SRFBP1: variants seen among roughly 807,000 people sequenced by gnomAD.
SRFBP1 encodes serum response factor-binding protein 1.
SRFBP1 carries 47 observed loss-of-function variants against 45.5 expected under a neutral mutation model. The ratio of observed to expected loss-of-function variants is 1.03; its 90% CI spans 0.82 to 1.32. The LOEUF is 1.32. Ranked by LOEUF, SRFBP1 falls within the 40% of genes most tolerant of loss-of-function variation. The pLI, the probability that SRFBP1 is intolerant of heterozygous loss-of-function variation, is 0.00. For synonymous variants in SRFBP1, 203 were observed against 166.3 expected, an observed-to-expected ratio of 1.22 and a Z score of -1.70; for missense variants, 621 against 484.6, an observed-to-expected ratio of 1.28 and a Z score of -2.64.
downstream of SRFBP1, among the ~76,000 whole-genome samples, chr5:122,032,041 T>A (rs1366412101): frequency 6.6e-6 from 1 of 152,206 alleles, no homozygotes; most frequent in Non-Finnish European, 1.5e-5. Context: ...TATTCTGGAA[T>A]TGGATAGCGC....
At chr5:122,074,224 G>A (rs1754547466) in intron 2 of SRFBP1, 3 of 1,485,386 alleles carry the variant, frequency 2.0e-6, no homozygotes, top group Non-Finnish European at 9.3e-7. Flanking sequence ...AGAAAGCAAT[G>A]AAGATATTAA....
At chr5:122,039,415 G>A (rs1448851748) in intron 2 of SRFBP1, among the ~76,000 whole-genome samples, 1 of 152,156 alleles carries the variant, frequency 6.6e-6, no homozygotes, top group Non-Finnish European at 1.5e-5. Flanking sequence ...GAAGGACATA[G>A]TATGTTAAAA....
intron 3 of SRFBP1, among the ~76,000 whole-genome samples, chr5:121,983,835 C>G (rs901192770): frequency 6.6e-6 from 1 of 151,684 alleles, no homozygotes; most frequent in African/African-American, 2.4e-5. Flanking sequence ...AGTAAAATTT[C>G]TTAGTAGTAA....
intron 2 of SRFBP1, among the ~76,000 whole-genome samples, chr5:122,057,994 C>T (rs1754111856): frequency 6.6e-6 from 1 of 152,026 alleles, no homozygotes; most frequent in African/African-American, 2.4e-5. Flanking sequence ...TGATTATATT[C>T]TTAAGAGAAG....
At chr5:121,993,972 A>G (rs1476528523) in intron 3 of SRFBP1, among the ~76,000 whole-genome samples, 1 of 151,898 alleles carries the variant, frequency 6.6e-6, no homozygotes, top group African/African-American at 2.4e-5. Flanking sequence ...CTGTTACTGT[A>G]CTTTCTTTGA....
chr5:122,073,540 G>GA lies in SRFBP1; in HGVS notation n.312-1769dup, dbSNP rs373773125. ...AGAAGGAAGGAATGGTTTCACAGGT[G>GA]AAAAAACAGAGATATCTTTTTTTAC... On this transcript the variant is annotated intron_variant and non_coding_transcript_variant, in intron 2 of 2. Coordinates refer to the SRFBP1 transcript ENST00000504881. Among the ~76,000 whole-genome samples, 610 of 152,240 alleles carry GA rather than the reference G, an allele frequency of 4.0e-3. 4 individuals carry two copies. The highest frequency in any genetic ancestry group is 0.014 in the Middle Eastern group (4 of 294).
chr5:122,056,624 G>T (rs954242406), intron 2 of SRFBP1, among the ~76,000 whole-genome samples: 4 of 152,092 alleles, frequency 2.6e-5, no homozygotes, highest in African/African-American at 9.7e-5. Flanking sequence ...CCATGTGTGG[G>T]ATATGTCTTC....
intron 1 of SRFBP1, among the ~76,000 whole-genome samples, chr5:121,962,840 G>A (rs1224397972): frequency 6.6e-6 from 1 of 152,154 alleles, no homozygotes; most frequent in Admixed American, 6.5e-5. Flanking sequence ...GATACAGAAA[G>A]GAAATTCTTT....
intron 2 of SRFBP1, among the ~76,000 whole-genome samples, chr5:122,037,948 C>A (rs1458005121): frequency 1.3e-5 from 2 of 152,178 alleles, no homozygotes; most frequent in African/African-American, 4.8e-5. Flanking sequence ...AGGTTTGGGT[C>A]ATGTGACTTA....
At chr5:122,019,990 T>G (rs1753269435) in intron 5 of SRFBP1, 98 bp from the exon 6 acceptor site, 2 of 791,992 alleles carry the variant, frequency 2.5e-6, no homozygotes, top group African/African-American at 3.6e-5. Context: ...AACTGCCCTC[T>G]TAAATCTTTT....
At chr5:122,057,985 G>A (rs896669291) in intron 2 of SRFBP1, among the ~76,000 whole-genome samples, 10 of 152,052 alleles carry the variant, frequency 6.6e-5, no homozygotes, top group African/African-American at 2.4e-4. Flanking sequence ...TGCTGGCCTT[G>A]ATTATATTCT....
downstream of SRFBP1, among the ~76,000 whole-genome samples, chr5:122,032,586 G>A (rs904229484): frequency 2.0e-5 from 3 of 152,130 alleles, no homozygotes; most frequent in South Asian, 6.2e-4. Flanking sequence ...AATCACTGCA[G>A]ATTTGTTCAT....
At chr5:121,995,925 A>C (rs1488625053) in intron 4 of SRFBP1, among the ~76,000 whole-genome samples, 3 of 152,202 alleles carry the variant, frequency 2.0e-5, no homozygotes, top group Non-Finnish European at 4.4e-5. Flanking sequence ...GAAATGGATA[A>C]ATTCCTCGAC....
At position 122,068,174 on chromosome 5, in the gene SRFBP1, T is replaced by TAAAAA. The variant is rs10650287; in HGVS notation, n.312-7122_312-7118dup. ...GTTTGTTACAGTCAGTAATAACTAG[T>TAAAAA]AAAAAAAAAAAAAAAAAAAAAAATT... On this transcript the variant is annotated intron_variant and non_coding_transcript_variant, in intron 2 of 2. Coordinates refer to the SRFBP1 transcript ENST00000504881. Among the ~76,000 whole-genome samples, 182 of 115,854 alleles carry TAAAAA rather than the reference T, an allele frequency of 1.6e-3. 4 individuals carry two copies. Among genetic ancestry groups the TAAAAA allele is most frequent in the African/African-American group, 6.0e-3 (178 of 29,678 alleles). 76.0% of individuals were successfully genotyped at this position (115,854 alleles called of 152,430 possible). A position where few individuals can be genotyped will look rare whatever the true frequency, so the allele number is the denominator to read the frequency against.
downstream of SRFBP1, chr5:122,078,155 C>A: frequency 1.8e-6 from 1 of 545,180 alleles, no homozygotes; most frequent in Non-Finnish European, 2.9e-6. Flanking sequence ...AGACCCTTCC[C>A]CAGTCAAGGC....
At chr5:122,032,655 A>T (rs1188481989), downstream of SRFBP1, among the ~76,000 whole-genome samples, 1 of 152,224 alleles carries the variant, frequency 6.6e-6, no homozygotes, top group Non-Finnish European at 1.5e-5. Context: ...AATGTATAAG[A>T]ATTTACTAAA....
intron 1 of SRFBP1, among the ~76,000 whole-genome samples, chr5:121,968,912 C>T (rs189558212): frequency 6.6e-6 from 1 of 152,160 alleles, no homozygotes; most frequent in Non-Finnish European, 1.5e-5. Flanking sequence ...ACAATACTAG[C>T]TCCTAGAATA....
At position 121,962,064 on chromosome 5, in the gene SRFBP1, A is replaced by G; in HGVS notation, c.32A>G (p.Asn11Ser). Residue 11 changes from asparagine to serine, a missense_variant, in exon 1 of 8, where the codon AAC becomes AGC. Coordinates refer to ENST00000339397, the MANE Select transcript of SRFBP1 (RefSeq NM_152546.3). The stretch of plus-strand genomic sequence containing the variant: ...CAGCCGGGAACTCTGAACCTCAATA[A>G]CGAGGTGAGCGCCGAGGAACCTATG... MAQPGTLNLN[N>S]EVVKMRKEVK... 1 of 1,613,968 alleles carries G rather than the reference A, an allele frequency of 6.2e-7. No homozygotes were observed. The highest frequency in any genetic ancestry group is 8.5e-7 in the Non-Finnish European group (1 of 1,179,994).
chr5:122,006,164 C>T (rs1752968864), intron 4 of SRFBP1, among the ~76,000 whole-genome samples: 1 of 151,184 alleles, frequency 6.6e-6, no homozygotes, highest in African/African-American at 2.5e-5. Flanking sequence ...TTGCCAAGTA[C>T]AGTATTCTTC....
Sources: allele counts gnomAD v4.1 joint callset (sites outside exome capture counted in the v4.1 genomes callset), GRCh38; gene constraint gnomAD v4.1.1; transcripts MANE v1.5; gene names NCBI Gene and HGNC (gene_info 2026-07-23, HGNC 2026-07-21).